Variants in LINGO2 observed in about 807,000 individuals in gnomAD.
LINGO2 encodes leucine-rich repeat and immunoglobulin-like domain-containing nogo receptor-interacting protein 2.
LINGO2 carries 14 observed loss-of-function variants against 30.6 expected under a neutral mutation model. The observed-to-expected ratio is 0.46, with a 90% CI of 0.30 to 0.72. LINGO2 has a LOEUF of 0.72. LINGO2 is among the 30% of genes least tolerant of loss of function. The probability of loss-of-function intolerance (pLI) is 0.07; values close to 1 mark genes in which losing one functional copy is unlikely to be tolerated. For synonymous variants in LINGO2, 317 were observed against 288.5 expected (o/e 1.10, Z -1.00); for missense variants, 729 against 751.7 (o/e 0.97, Z 0.35).
At chr9:28,677,968 AC>A in the LINGO2 span, among the ~76,000 whole-genome samples, 1 of 151,492 alleles carries the variant, frequency 6.6e-6, no homozygotes, top group Admixed American at 6.6e-5. Context: ...TATTACTGCC[AC>A]CCCCACTCCA....
At chr9:29,046,938 G>T in the LINGO2 span, among the ~76,000 whole-genome samples, 1 of 152,018 alleles carries the variant, frequency 6.6e-6, no homozygotes, top group South Asian at 2.1e-4. Flanking sequence ...AATTAGCCAG[G>T]CGTGGTGGCA....
At chr9:28,988,383 A>G in the LINGO2 span, among the ~76,000 whole-genome samples, 1 of 152,136 alleles carries the variant, frequency 6.6e-6, no homozygotes, top group South Asian at 2.1e-4. Context: ...TGCATAGAAA[A>G]TATTTTCAAC....
At chr9:29,128,645 T>G in the LINGO2 span, among the ~76,000 whole-genome samples, 1 of 152,138 alleles carries the variant, frequency 6.6e-6, no homozygotes. Flanking sequence ...TCATGGAAAC[T>G]GCTTTACCCA....
intron 2 of LINGO2, among the ~76,000 whole-genome samples, chr9:28,380,227 C>T (rs1821294065): frequency 6.6e-6 from 1 of 151,930 alleles, no homozygotes; most frequent in Non-Finnish European, 1.5e-5. Flanking sequence ...AGGTTTCAAA[C>T]ATATACAATG....
the LINGO2 span, among the ~76,000 whole-genome samples, chr9:28,743,315 C>G: frequency 6.6e-6 from 1 of 151,982 alleles, no homozygotes; most frequent in Admixed American, 6.6e-5. Context: ...GGTATTTCTC[C>G]TAATGCTATC....
intron 2 of LINGO2, among the ~76,000 whole-genome samples, chr9:28,464,673 A>T (rs1264134870): frequency 1.3e-5 from 2 of 152,170 alleles, no homozygotes; most frequent in East Asian, 3.9e-4. Context: ...TGTTAAAGAA[A>T]CTCTTAGAAA....
intron 5 of LINGO2, among the ~76,000 whole-genome samples, chr9:27,987,090 C>CA (rs5897261): frequency 0.38 from 56,859 of 151,404 alleles, 10,640 homozygotes; most frequent in African/African-American, 0.4. Flanking sequence ...ACATGTCAGT[C>CA]AACTACTCAA....
At chr9:28,044,435 G>A (rs532648370) in intron 4 of LINGO2, among the ~76,000 whole-genome samples, 1 of 152,210 alleles carries the variant, frequency 6.6e-6, no homozygotes, top group South Asian at 2.1e-4. Context: ...ATGCATCATG[G>A]ATCAGCTGTA....
the LINGO2 span, among the ~76,000 whole-genome samples, chr9:29,015,005 A>T: frequency 6.6e-6 from 1 of 152,058 alleles, no homozygotes; most frequent in African/African-American, 2.4e-5. Flanking sequence ...CTCTCTTAAT[A>T]GTTTTTAAGG....
At chr9:28,338,955 A>G (rs72711404) in intron 3 of LINGO2, among the ~76,000 whole-genome samples, 3 of 151,970 alleles carry the variant, frequency 2.0e-5, no homozygotes, top group African/African-American at 7.2e-5. Flanking sequence ...AAACAAACAA[A>G]CGTTAAAATG....
chr9:28,917,063 A>G, the LINGO2 span, among the ~76,000 whole-genome samples: 1 of 152,042 alleles, frequency 6.6e-6, no homozygotes, highest in Non-Finnish European at 1.5e-5. Context: ...TTCCCTTTCT[A>G]CCTTTTGTGG....
rs1213375180 is a variant in LINGO2 at position 28,388,491 on chromosome 9, T to TA, written c.-278-15624dup. ...ATGCATATGTTCAATTTTACTGTAA[T>TA]ATGGCAATTTGTTTCCCAAATACGT... On this transcript the variant is annotated intron_variant, in intron 2 of 5. Transcript: ENST00000379992. Among the ~76,000 whole-genome samples, 5 of 152,338 alleles carry TA rather than the reference T, an allele frequency of 3.3e-5. No homozygotes were observed. The East Asian group carries it at 9.7e-4, about 29-fold the overall frequency.
chr9:28,453,642 T>C (rs1476643371), intron 2 of LINGO2, among the ~76,000 whole-genome samples: 3 of 151,914 alleles, frequency 2.0e-5, no homozygotes, highest in Admixed American at 6.6e-5. Context: ...AGGAGTAAAA[T>C]GGTCTAATTC....
intron 2 of LINGO2, among the ~76,000 whole-genome samples, chr9:28,438,950 T>C (rs1824074360): frequency 2.7e-5 from 4 of 146,778 alleles, no homozygotes; most frequent in South Asian, 2.1e-4. Context: ...TAATGAAATA[T>C]AGATAATATG....
the LINGO2 span, among the ~76,000 whole-genome samples, chr9:29,036,515 T>A: frequency 2.0e-5 from 3 of 152,086 alleles, no homozygotes; most frequent in African/African-American, 7.2e-5. Context: ...GGAAAAGGGA[T>A]TGGAAATTTA....
the LINGO2 span, among the ~76,000 whole-genome samples, chr9:29,050,627 ACAT>A: frequency 1.3e-5 from 2 of 152,178 alleles, no homozygotes; most frequent in Non-Finnish European, 2.9e-5. Flanking sequence ...TGCACTTGAA[ACAT>A]CATAAGGTAG....
intron 4 of LINGO2, among the ~76,000 whole-genome samples, chr9:28,067,513 C>G (rs1468114121): frequency 6.6e-6 from 1 of 152,028 alleles, no homozygotes; most frequent in African/African-American, 2.4e-5. Context: ...TGTTGAGAAC[C>G]TAGTTGTGCC....
At chr9:28,644,177 C>T (rs758981272) in intron 1 of LINGO2, among the ~76,000 whole-genome samples, 5 of 151,864 alleles carry the variant, frequency 3.3e-5, no homozygotes, top group Non-Finnish European at 5.9e-5. Flanking sequence ...TACAGCAATT[C>T]CACTACTGGA....
chr9:28,868,523 A>AG, the LINGO2 span, among the ~76,000 whole-genome samples: 1 of 152,092 alleles, frequency 6.6e-6, no homozygotes, highest in African/African-American at 2.4e-5. Flanking sequence ...GTCATCTGAG[A>AG]GATAACTCAT....
Sources: allele counts gnomAD v4.1 joint callset (sites outside exome capture counted in the v4.1 genomes callset), GRCh38; gene constraint gnomAD v4.1.1; transcripts MANE v1.5; gene names NCBI Gene and HGNC (gene_info 2026-07-23, HGNC 2026-07-21).